ARAP1: variants seen among roughly 807,000 people sequenced by gnomAD.
ARAP1 encodes arf-GAP with Rho-GAP domain, ANK repeat and PH domain-containing protein 1.
Under a neutral mutation model 172.2 loss-of-function variants are expected in ARAP1, and 76 were observed. The observed-to-expected ratio is 0.44, with a 90% CI of 0.37 to 0.53. ARAP1 has a LOEUF of 0.53. Among genes scored for constraint, ARAP1 ranks in the 20% least tolerant of loss-of-function variants. The probability of loss-of-function intolerance (pLI) is 0.00; values close to 1 mark genes in which losing one functional copy is unlikely to be tolerated. For synonymous variants in ARAP1, 804 were observed against 803.3 expected (o/e 1.00, Z -0.01); for missense variants, 1,686 against 1,977.5 (o/e 0.85, Z 2.80).
At chr11:72,742,711 T>C (rs1858238555) in intron 1 of ARAP1, among the ~76,000 whole-genome samples, 1 of 152,158 alleles carries the variant, frequency 6.6e-6, no homozygotes, top group Admixed American at 6.5e-5. Context: ...TGCTGTGGGA[T>C]TTGGGAATTC....
At chr11:72,707,057 A>G (rs1307781099) in intron 12 of ARAP1, 118 bp downstream of exon 12, 4 of 1,118,178 alleles carry the variant, frequency 3.6e-6, no homozygotes, top group Non-Finnish European at 5.0e-6. Flanking sequence ...AGCCTCATCA[A>G]CAGCAGCTCT....
intron 3 of ARAP1, among the ~76,000 whole-genome samples, chr11:72,724,380 T>A (rs950579467): frequency 2.0e-5 from 3 of 151,916 alleles, no homozygotes; most frequent in South Asian, 2.1e-4. Flanking sequence ...TTCCCCATCA[T>A]GAGGGGTTGC....
rs1458428478 is a variant in ARAP1, at chr11:72,725,423, T to G, written c.509+1197A>C. 6.6e-6 allele frequency among the ~76,000 whole-genome samples: 1 copy of G among 151,990 alleles called. No homozygotes were observed. Among genetic ancestry groups the G allele is most frequent in the African/African-American group, 2.4e-5 (1 of 41,360 alleles). ...AGAGGGCGCAAGGGCACCAGGAACCTTCAATCTGAGCTTCCCTCCAGGTTC... is the reference window on the plus strand; with the variant it reads ...AGAGGGCGCAAGGGCACCAGGAACCGTCAATCTGAGCTTCCCTCCAGGTTC... On this transcript the variant is annotated intron_variant, in intron 3 of 34. Transcript: ENST00000393609. This position sits in a 1 kb window ranked among gnomAD's most constrained non-coding sequence, Gnocchi z 4.3.
chr11:72,685,906 C>T, intron 34 of ARAP1, 136 bp downstream of exon 34: 1 of 1,519,438 alleles, frequency 6.6e-7, no homozygotes, highest in Non-Finnish European at 9.1e-7. Flanking sequence ...CCTATGAGGG[C>T]CCCCACCAAG....
At chr11:72,698,643 C>A (rs1169957150) in intron 18 of ARAP1, among the ~76,000 whole-genome samples, 3 of 152,194 alleles carry the variant, frequency 2.0e-5, no homozygotes, top group Non-Finnish European at 2.9e-5. Flanking sequence ...GGTGGCCTCC[C>A]TGCCTCTTCC....
At chr11:72,690,804 G>A (rs1194348061) in intron 30 of ARAP1, among the ~76,000 whole-genome samples, 2 of 152,234 alleles carry the variant, frequency 1.3e-5, no homozygotes, top group African/African-American at 4.8e-5. Context: ...TTTCTAGCAT[G>A]TGCCTTTTCC....
In ARAP1 at chr11:72,697,932, G is replaced by A. The variant is rs762630269; in HGVS notation, c.2716C>T (p.Leu906=). Residue 906 remains leucine, a synonymous_variant, in exon 19 of 35, where the codon CTA becomes TTA. Coordinates refer to ENST00000393609, the MANE Select transcript of ARAP1 (RefSeq NM_001040118.3). ...GCACAAAGCTCCTGCAGTTTCCGTA[G>A]TTGCAGCGGCTCTTCGCAGGGCCCC... ...PEGPCEEPLQ[L]RKLQELSIQG... is the part of the protein sequence containing the mutation. 6.2e-7 allele frequency: 1 copy of A among 1,606,488 alleles called. No homozygotes were observed. Among genetic ancestry groups the A allele is most frequent in the African/African-American group, 1.3e-5 (1 of 74,812 alleles).
At chr11:72,736,713 T>C (rs1272275250) in intron 1 of ARAP1, among the ~76,000 whole-genome samples, 1 of 152,106 alleles carries the variant, frequency 6.6e-6, no homozygotes, top group Non-Finnish European at 1.5e-5. Flanking sequence ...CTCTCCACTG[T>C]GCCAACTACA....
At chr11:72,712,618 A>G in intron 5 of ARAP1, 50 bp from the exon 6 acceptor site, 1 of 1,606,790 alleles carries the variant, frequency 6.2e-7, no homozygotes, top group South Asian at 1.1e-5. Flanking sequence ...GCCACAGATC[A>G]CACCCACCCG....
In ARAP1 at chr11:72,699,158, AC is replaced by A; in HGVS notation, c.2439-52del. Reference sequence around the variant, plus strand: ...GGCCCACCTCATCCAGCACGGGCCCACCCCCAACCCGCACCATCAACCGCCA... The same window carrying A: ...GGCCCACCTCATCCAGCACGGGCCCACCCCAACCCGCACCATCAACCGCCA... On this transcript the variant is annotated intron_variant, in intron 17 of 34. Transcript: ENST00000393609. This position sits in a 1 kb window ranked among gnomAD's most constrained non-coding sequence, Gnocchi z 4.2. 2 of 1,582,622 alleles carry A rather than the reference AC, an allele frequency of 1.3e-6. No homozygotes were observed.
intron 1 of ARAP1, among the ~76,000 whole-genome samples, chr11:72,748,121 T>A (rs765370121): frequency 9.2e-5 from 14 of 152,174 alleles, no homozygotes; most frequent in Non-Finnish European, 1.9e-4. Context: ...AGAAGACTAT[T>A]TTGAGGATTA....
Position 72,710,625 on chromosome 11 carries a change from A to G in ARAP1, c.1214-38T>C. 1 of 1,564,014 alleles carries G rather than the reference A, an allele frequency of 6.4e-7. No homozygotes were observed. The highest frequency in any genetic ancestry group is 8.6e-7 in the Non-Finnish European group (1 of 1,156,214). ...GGTAGAGGAGTAAGCCCAAGGTTGC[A>G]GGGAGCCCCTCAGGGGTCTCCTGGC... is the stretch of plus-strand genomic sequence containing the variant. On this transcript the variant is annotated intron_variant, in intron 9 of 34. Coordinates refer to ENST00000393609, the MANE Select transcript of ARAP1 (RefSeq NM_001040118.3). This position sits in a 1 kb window ranked among gnomAD's most constrained non-coding sequence, Gnocchi z 4.3.
At chr11:72,746,812 A>C (rs1028156927) in intron 1 of ARAP1, among the ~76,000 whole-genome samples, 1 of 152,222 alleles carries the variant, frequency 6.6e-6, no homozygotes, top group Non-Finnish European at 1.5e-5. Context: ...AGTACAGTAA[A>C]GATAAATGCC....
rs900594492 is a variant in ARAP1 at position 72,726,169 on chromosome 11, G to C, written c.509+451C>G. 2.6e-5 allele frequency among the ~76,000 whole-genome samples: 4 copies of C among 151,950 alleles called. No homozygotes were observed. The highest frequency in any genetic ancestry group is 9.7e-5 in the African/African-American group (4 of 41,320). The stretch of plus-strand genomic sequence containing the variant: ...AGGGTGTGAAAGAGCACACCACCAG[G>C]ACCTGGGCAGTCCCCTCACCCCCAA... On this transcript the variant is annotated intron_variant, in intron 3 of 34. Transcript: ENST00000393609. The surrounding 1 kb of genome is among the most constrained non-coding windows in gnomAD (Gnocchi z 6.5).
chr11:72,697,104 C>T lies in ARAP1; in HGVS notation c.3045G>A (p.Val1015=), dbSNP rs1398667255. Residue 1015 remains valine (V), a synonymous_variant, in exon 22 of 35, where the codon GTG becomes GTA. Transcript: ENST00000393609. ...CGTGCTGCTCGCCCTCCTTGAGGTG[C>T]ACAGAGCGCGCATCCTGCCGCAGGC... ...LESLRQDARS[V]HLKEGEQHVD... 2 of 1,608,386 alleles carry T rather than the reference C, an allele frequency of 1.2e-6. No homozygotes were observed. Among genetic ancestry groups the T allele is most frequent in the Admixed American group, 3.3e-5 (2 of 60,002 alleles).
At chr11:72,708,889 T>A (rs1856885466) in intron 11 of ARAP1, among the ~76,000 whole-genome samples, 2 of 152,152 alleles carry the variant, frequency 1.3e-5, no homozygotes, top group East Asian at 3.9e-4. Context: ...ATACAAAAAT[T>A]AGCCGGGCGT....
Position 72,693,687 on chromosome 11 carries a change from C to A in ARAP1, c.3808+5G>T, listed in dbSNP as rs1412520690. ...GAGCCTGGCCACCCTGCAGGCACCA[C>A]CTACCCAGGTACAGCAGCATGGCCT... On this transcript the variant is annotated splice_donor_5th_base_variant and intron_variant, in intron 28 of 34. Transcript: ENST00000393609. The surrounding 1 kb of genome is among the most constrained non-coding windows in gnomAD (Gnocchi z 4.6). 2.5e-6 allele frequency: 4 copies of A among 1,600,820 alleles called. No individual in the cohort carries two copies. The Admixed American group carries it at 6.9e-5, about 27-fold the overall frequency.
chr11:72,708,897 C>T (rs189153929), intron 11 of ARAP1, among the ~76,000 whole-genome samples: 62 of 152,242 alleles, frequency 4.1e-4, no homozygotes, highest in Admixed American at 8.5e-4. Context: ...ATTAGCCGGG[C>T]GTGGTAGCGT....
intron 30 of ARAP1, among the ~76,000 whole-genome samples, chr11:72,692,453 C>T (rs534046573): frequency 6.6e-6 from 1 of 152,310 alleles, no homozygotes; most frequent in East Asian, 1.9e-4. Context: ...GATCAGGGCT[C>T]TAATTCAAAC....
Sources: gnomAD v4.1 joint callset for allele counts (sites outside exome capture counted in the v4.1 genomes callset) on GRCh38, gnomAD v4.1.1 for gene constraint, Gnocchi (gnomAD v3.1) non-coding constraint, MANE v1.5 for transcripts, NCBI Gene and HGNC (gene_info 2026-07-23, HGNC 2026-07-21) for gene names.